The following HIP1 variants were observed in gnomAD, a reference collection of about 807,000 sequenced individuals.
HIP1 encodes huntingtin-interacting protein 1.
A neutral mutation model predicts 147.6 loss-of-function variants in HIP1; 65 were observed. The ratio of observed to expected loss-of-function variants is 0.44; its 90% CI spans 0.36 to 0.54. The LOEUF (loss-of-function observed/expected upper bound fraction) is 0.54. Among genes scored for constraint, HIP1 ranks in the 20% least tolerant of loss-of-function variants. The probability of loss-of-function intolerance (pLI) is 0.00; values close to 1 mark genes in which losing one functional copy is unlikely to be tolerated. For synonymous variants in HIP1, 479 were observed against 504.0 expected, an observed-to-expected ratio of 0.95 and a Z score of 0.67; for missense variants, 1,061 against 1,299.6, an observed-to-expected ratio of 0.82 and a Z score of 2.82.
At chr7:75,730,218 C>T (rs1397695298) in intron 1 of HIP1, among the ~76,000 whole-genome samples, 8 of 151,974 alleles carry the variant, frequency 5.3e-5, no homozygotes, top group African/African-American at 1.7e-4. Flanking sequence ...GTGAGGACAA[C>T]GCCTTGGGGA....
intron 9 of HIP1, among the ~76,000 whole-genome samples, chr7:75,566,370 G>T (rs1795402082): frequency 6.6e-6 from 1 of 151,498 alleles, no homozygotes; most frequent in African/African-American, 2.5e-5. Context: ...AGCAGCGGAG[G>T]TCCTGTTCCT....
intron 1 of HIP1, among the ~76,000 whole-genome samples, chr7:75,663,984 G>GTA (rs782429323): frequency 0.11 from 849 of 7,598 alleles, 62 homozygotes; most frequent in Middle Eastern, 0.25. Flanking sequence ...ACATATATGT[G>GTA]TATATATATA....
At chr7:75,690,502 T>C (rs1336414294) in intron 1 of HIP1, among the ~76,000 whole-genome samples, 2 of 152,168 alleles carry the variant, frequency 1.3e-5, no homozygotes, top group African/African-American at 2.4e-5. Context: ...ACCGGAACCC[T>C]TGTACACTGC....
chr7:75,719,491 G>A (rs1310805587), intron 1 of HIP1, among the ~76,000 whole-genome samples: 14 of 147,856 alleles, frequency 9.5e-5, no homozygotes, highest in East Asian at 3.9e-4. Flanking sequence ...GCGACAGAGC[G>A]AGACTCCATC....
intron 27 of HIP1, 87 bp downstream of exon 27, chr7:75,544,608 G>A: frequency 1.2e-6 from 1 of 803,048 alleles, no homozygotes; most frequent in South Asian, 1.4e-5. Flanking sequence ...GCCAAGTACT[G>A]CCTAACGCAG....
Position 75,538,223 on chromosome 7 carries a change from T to C in HIP1, c.3063A>G (p.Gly1021=). ...LAGVAEGWEE[G]TEASPPTLQE... is the part of the protein sequence containing the mutation. ...GCAGTGTAGGTGGAGATGCCTCTGT[T>C]CCTAAAAGACAATGATAATTTATGT... The change falls in exon 31 of 31, where the codon GGA becomes GGG. Residue 1021 remains glycine (G), a splice_region_variant and synonymous_variant. Transcript: ENST00000336926. 1.2e-6 allele frequency: 2 copies of C among 1,612,736 alleles called. No homozygotes were observed. The highest frequency in any genetic ancestry group is 1.1e-5 in the South Asian group (1 of 91,052).
chr7:75,573,671 A>G (rs1313505768), intron 8 of HIP1, 90 bp downstream of exon 8: 1 of 1,345,882 alleles, frequency 7.4e-7, no homozygotes, highest in Non-Finnish European at 1.0e-6. Flanking sequence ...AGGCACTGAG[A>G]AGGACTGCGT....
chr7:75,641,422 C>T (rs1798650986), intron 1 of HIP1, among the ~76,000 whole-genome samples: 1 of 147,294 alleles, frequency 6.8e-6, no homozygotes, highest in Admixed American at 6.8e-5. Context: ...CATGCTCAGT[C>T]TTCCCTCTAT....
At chr7:75,708,622 T>C (rs909024176) in intron 1 of HIP1, among the ~76,000 whole-genome samples, 1 of 152,272 alleles carries the variant, frequency 6.6e-6, no homozygotes, top group Non-Finnish European at 1.5e-5. Flanking sequence ...TTTTTCCTCA[T>C]TGAATGGCCT....
At position 75,562,942 on chromosome 7, in the gene HIP1, G is replaced by C. The variant is rs1795280553; in HGVS notation, c.1013C>G (p.Ser338Cys). 6.2e-7 allele frequency: 1 copy of C among 1,614,176 alleles called. No individual in the cohort carries two copies. Among genetic ancestry groups the C allele is most frequent in the Non-Finnish European group, 8.5e-7 (1 of 1,180,030 alleles). Residue 338 changes from serine (S) to cysteine (C), a missense_variant, in exon 11 of 31, where the codon TCT becomes TGT. By Grantham distance (112) the Ser-to-Cys change is moderately radical (BLOSUM62 -1). Transcript: ENST00000336926. ...EKDDLMDMDA[S>C]QQNLFDNKFD... Reference sequence around the variant, plus strand: ...CTCCCAAGTGGTCCTCACCTGCTGAGAGGCATCCATGTCCATGAGGTCATC... The same window carrying C: ...CTCCCAAGTGGTCCTCACCTGCTGACAGGCATCCATGTCCATGAGGTCATC...
chr7:75,619,062 A>G (rs1797757519), intron 1 of HIP1, among the ~76,000 whole-genome samples: 1 of 152,132 alleles, frequency 6.6e-6, no homozygotes, highest in African/African-American at 2.4e-5. Flanking sequence ...AGGCCGGGAT[A>G]TCATCTGAGA....
In HIP1 at chr7:75,547,752, G is replaced by T. The variant is rs367547165; in HGVS notation, c.2465+3C>A. On this transcript the variant is annotated splice_donor_region_variant and intron_variant, in intron 24 of 30. Transcript: ENST00000336926. ...TAGGTCCCACCATGCCGCTCAGACC[G>T]ACCTTTCATTCACCTCCAATTTGAC... 1.2e-5 allele frequency: 20 copies of T among 1,612,770 alleles called. No homozygotes were observed. The African/African-American group carries it at 2.4e-4, about 19-fold the overall frequency.
intron 29 of HIP1, among the ~76,000 whole-genome samples, chr7:75,540,148 C>A (rs1195580935): frequency 3.9e-5 from 6 of 152,124 alleles, no homozygotes; most frequent in Admixed American, 2.0e-4. Context: ...TATTTGCTGG[C>A]CGGGCATGGT....
intron 5 of HIP1, among the ~76,000 whole-genome samples, chr7:75,584,062 G>A (rs1307688645): frequency 6.6e-6 from 1 of 151,522 alleles, no homozygotes; most frequent in African/African-American, 2.4e-5. Flanking sequence ...TTGGGTTCAA[G>A]CGATTCTCCT....
chr7:75,574,841 C>T (rs1554497404), intron 7 of HIP1, among the ~76,000 whole-genome samples: 1 of 152,014 alleles, frequency 6.6e-6, no homozygotes, highest in East Asian at 1.9e-4. Flanking sequence ...GGAGGAGCCT[C>T]ATCTTCATTT....
chr7:75,558,235 G>T lies in HIP1; in HGVS notation c.1396C>A (p.Gln466Lys). 6.2e-7 allele frequency: 1 copy of T among 1,614,102 alleles called. No homozygotes were observed. Among genetic ancestry groups the T allele is most frequent in the South Asian group, 1.1e-5 (1 of 91,076 alleles). The change falls in exon 15 of 31, where the codon CAG (glutamine) becomes AAG (lysine). Residue 466 changes from glutamine (Q) to lysine (K), a missense_variant. Physicochemically the swap from Gln to Lys is moderately conservative, Grantham distance 53. Transcript: ENST00000336926. ...TTCTCCTTTAGCTTGCTATATCGCT[G>T]TTCATTGGCTTGAGCTTTCCCTGTA... ...EIERKAQANEQRYSKLKEKYS... is the reference protein window; with the variant it reads ...EIERKAQANEKRYSKLKEKYS...
At chr7:75,703,698 G>T (rs1309480888) in intron 1 of HIP1, among the ~76,000 whole-genome samples, 1 of 151,966 alleles carries the variant, frequency 6.6e-6, no homozygotes, top group Non-Finnish European at 1.5e-5. Context: ...GTACCAGAAG[G>T]CCATACTATT....
At chr7:75,677,660 A>G (rs1170459582) in intron 1 of HIP1, among the ~76,000 whole-genome samples, 4 of 150,352 alleles carry the variant, frequency 2.7e-5, no homozygotes, top group Admixed American at 6.7e-5. Flanking sequence ...CAAGGGAATC[A>G]CTAGACAGGT....
intron 1 of HIP1, among the ~76,000 whole-genome samples, chr7:75,649,103 C>T (rs1247719951): frequency 6.6e-6 from 1 of 152,108 alleles, no homozygotes. Flanking sequence ...CGGCTCACCG[C>T]AAACTCCGCC....
Sources: allele counts gnomAD v4.1 joint callset (sites outside exome capture counted in the v4.1 genomes callset), GRCh38; gene constraint gnomAD v4.1.1; transcripts MANE v1.5; gene names NCBI Gene and HGNC (gene_info 2026-07-23, HGNC 2026-07-21).